GRM8: variants seen among roughly 807,000 people sequenced by gnomAD.
GRM8 encodes metabotropic glutamate receptor 8.
Under a neutral mutation model 87.2 loss-of-function variants are expected in GRM8, and 47 were observed. That is an observed-to-expected ratio of 0.54 (90% CI 0.43 to 0.69). The LOEUF (loss-of-function observed/expected upper bound fraction) is 0.69. Ranked by LOEUF, GRM8 falls within the 30% of genes least tolerant of loss-of-function variation. GRM8 has a pLI of 0.00. For synonymous variants in GRM8, 396 were observed against 404.5 expected (o/e 0.98, Z 0.25); for missense variants, 1,019 against 1,139.2 (o/e 0.89, Z 1.52).
Position 126,876,532 on chromosome 7 carries a change from G to T in GRM8, c.1156+26010C>A, listed in dbSNP as rs180749996. 3.5e-3 allele frequency among the ~76,000 whole-genome samples: 533 copies of T among 152,130 alleles called. 1 individual carries two copies. Among genetic ancestry groups the T allele is most frequent in the Middle Eastern group, 6.8e-3 (2 of 294 alleles). On this transcript the variant is annotated intron_variant, in intron 6 of 10. Coordinates refer to ENST00000339582, the MANE Select transcript of GRM8 (RefSeq NM_000845.3). ...TGAAATTTCTCTGTCCTCTGTCTAC[G>T]GGTTACTTGTTTTTGAGGTATCCAT...
rs540927906 is a variant in GRM8 at position 126,686,231 on chromosome 7, C to T, written c.1358-76733G>A. ...GAGTCTCTTCTAAGCTGTTCTATTG[C>T]TCAGTAAAGCTCCTCTTTGTCTTGC... On this transcript the variant is annotated intron_variant, in intron 7 of 10. Coordinates refer to ENST00000339582, the MANE Select transcript of GRM8 (RefSeq NM_000845.3). Among the ~76,000 whole-genome samples, 10 of 152,164 alleles carry T rather than the reference C, an allele frequency of 6.6e-5. No homozygotes were observed. The East Asian group carries it at 1.2e-3, about 18-fold the overall frequency.
intron 7 of GRM8, among the ~76,000 whole-genome samples, chr7:126,645,569 C>T (rs1016490128): frequency 2.0e-5 from 3 of 152,336 alleles, no homozygotes; most frequent in Middle Eastern, 3.4e-3. Flanking sequence ...ATGGGCTGAA[C>T]TCATGTCAGT....
chr7:127,237,443 A>ATGCTTGG (rs1265710622), intron 2 of GRM8, among the ~76,000 whole-genome samples: 1 of 152,262 alleles, frequency 6.6e-6, no homozygotes, highest in Non-Finnish European at 1.5e-5. Flanking sequence ...ACTCAAAAAA[A>ATGCTTGG]TGCTTGGCTT....
intron 2 of GRM8, among the ~76,000 whole-genome samples, chr7:127,193,779 T>C (rs1285344852): frequency 6.6e-6 from 1 of 152,216 alleles, no homozygotes; most frequent in Non-Finnish European, 1.5e-5. Flanking sequence ...AGCTTTGGCA[T>C]CTCTAAAACT....
chr7:126,470,685 T>C (rs1358483347), intron 9 of GRM8, among the ~76,000 whole-genome samples: 1 of 152,160 alleles, frequency 6.6e-6, no homozygotes, highest in Non-Finnish European at 1.5e-5. Context: ...ACATGATTTA[T>C]AGTCCTTTGG....
At chr7:126,551,658 T>A (rs1792600843) in intron 8 of GRM8, among the ~76,000 whole-genome samples, 1 of 151,686 alleles carries the variant, frequency 6.6e-6, no homozygotes, top group South Asian at 2.1e-4. Flanking sequence ...AGCTCAGTTT[T>A]ATGCCCTGTA....
intron 3 of GRM8, among the ~76,000 whole-genome samples, chr7:126,934,665 T>A (rs1472731698): frequency 6.6e-6 from 1 of 152,196 alleles, no homozygotes; most frequent in African/African-American, 2.4e-5. Context: ...TAGGACTGGA[T>A]CTAAAGGAGG....
chr7:127,054,535 A>G (rs1819799795), intron 3 of GRM8, among the ~76,000 whole-genome samples: 1 of 152,172 alleles, frequency 6.6e-6, no homozygotes, highest in African/African-American at 2.4e-5. Flanking sequence ...CTGACAGAAA[A>G]CAGAAAACAA....
At chr7:126,897,633 T>C (rs1437565079) in intron 6 of GRM8, among the ~76,000 whole-genome samples, 1 of 152,048 alleles carries the variant, frequency 6.6e-6, no homozygotes, top group African/African-American at 2.4e-5. Flanking sequence ...CCATCACCAC[T>C]GATAACAAGT....
In GRM8 at chr7:126,768,942, T is replaced by A. The variant is rs376892822; in HGVS notation, c.1357+923A>T. On this transcript the variant is annotated intron_variant, in intron 7 of 10. Transcript: ENST00000339582. The stretch of plus-strand genomic sequence containing the variant: ...AGGAAAAATGCAAAAAAAAAAAAAA[T>A]AAAGAAGAAGTTTCCACTTGAATTC... Among the ~76,000 whole-genome samples the A allele has an allele frequency of 5.9e-3, 425 of 72,334 alleles. 4 individuals carry two copies. The highest frequency in any genetic ancestry group is 0.019 in the African/African-American group (385 of 20,616). 47.5% of individuals were successfully genotyped at this position (72,334 alleles called of 152,430 possible).
At chr7:126,515,670 T>C (rs536783915) in intron 9 of GRM8, among the ~76,000 whole-genome samples, 24 of 152,054 alleles carry the variant, frequency 1.6e-4, no homozygotes, top group Non-Finnish European at 3.4e-4. Flanking sequence ...GTTTTCTGCA[T>C]TCCTTGGCTC....
chr7:127,087,783 A>T (rs1823664659), intron 3 of GRM8, among the ~76,000 whole-genome samples: 1 of 152,238 alleles, frequency 6.6e-6, no homozygotes, highest in African/African-American at 2.4e-5. Context: ...ATGAAATAAA[A>T]AAATGAAGAA....
At chr7:126,967,451 T>A (rs1351577976) in intron 3 of GRM8, among the ~76,000 whole-genome samples, 1 of 152,156 alleles carries the variant, frequency 6.6e-6, no homozygotes, top group African/African-American at 2.4e-5. Context: ...TAACCCACAC[T>A]TTATTTCTGT....
At chr7:126,467,431 G>A (rs993986349) in intron 9 of GRM8, among the ~76,000 whole-genome samples, 2 of 151,828 alleles carry the variant, frequency 1.3e-5, no homozygotes, top group African/African-American at 2.4e-5. Context: ...GATATCGAAG[G>A]CTTCATGCTT....
intron 3 of GRM8, chr7:127,084,361 A>T (rs1823227070): frequency 6.6e-6 from 1 of 152,228 alleles, no homozygotes; most frequent in Non-Finnish European, 1.5e-5. Flanking sequence ...TATTTTAAGA[A>T]AATAAGTAAA....
intron 7 of GRM8, among the ~76,000 whole-genome samples, chr7:126,759,785 T>C (rs1250251794): frequency 1.3e-5 from 2 of 152,218 alleles, no homozygotes; most frequent in African/African-American, 4.8e-5. Context: ...GTACAGTTTA[T>C]ATATTTTTAA....
chr7:126,887,889 C>G (rs1800651337), intron 6 of GRM8, among the ~76,000 whole-genome samples: 1 of 151,960 alleles, frequency 6.6e-6, no homozygotes, highest in Non-Finnish European at 1.5e-5. Flanking sequence ...GAACAAAAAG[C>G]TAACAGTTTC....
At chr7:127,204,038 T>C (rs1316280477) in intron 2 of GRM8, among the ~76,000 whole-genome samples, 1 of 152,312 alleles carries the variant, frequency 6.6e-6, no homozygotes, top group South Asian at 2.1e-4. Context: ...AAATGTATTA[T>C]AGAATCTAAC....
intron 7 of GRM8, among the ~76,000 whole-genome samples, chr7:126,666,247 T>A (rs1429868601): frequency 6.6e-6 from 1 of 152,202 alleles, no homozygotes; most frequent in African/African-American, 2.4e-5. Context: ...TCAATATTTT[T>A]ATCACCAAAT....
Sources: allele counts gnomAD v4.1 joint callset (sites outside exome capture counted in the v4.1 genomes callset), GRCh38; gene constraint gnomAD v4.1.1; transcripts MANE v1.5; gene names NCBI Gene and HGNC (gene_info 2026-07-23, HGNC 2026-07-21).